Variants in REV3L observed in about 807,000 individuals in gnomAD.
REV3L encodes DNA polymerase zeta catalytic subunit.
Under a neutral mutation model 299.4 loss-of-function variants are expected in REV3L, and 69 were observed. That is an observed-to-expected ratio of 0.23 (90% CI 0.19 to 0.28). The LOEUF is 0.28. REV3L is among the 10% of genes least tolerant of loss of function. The pLI, the probability that REV3L is intolerant of heterozygous loss-of-function variation, is 1.00. For synonymous variants in REV3L, 1,238 were observed against 1,271.4 expected (o/e 0.97, Z 0.56); for missense variants, 3,128 against 3,693.8 (o/e 0.85, Z 3.97).
At chr6:111,379,718 T>C (rs1780638901) in intron 11 of REV3L, among the ~76,000 whole-genome samples, 1 of 152,182 alleles carries the variant, frequency 6.6e-6, no homozygotes, top group Non-Finnish European at 1.5e-5. Context: ...TTTGCTCCAT[T>C]TATCACTCAC....
Position 111,351,696 on chromosome 6 carries a change from C to T in REV3L, c.7280G>A (p.Arg2427Gln), listed in dbSNP as rs759217224. The T allele has an allele frequency of 2.9e-5, 47 of 1,612,672 alleles. No individual in the cohort carries two copies. The highest frequency in any genetic ancestry group is 3.4e-5 in the Non-Finnish European group (40 of 1,179,280). ...CATACCTGGCACCCGAGAGATCATC[C>T]GACATAAGTCAATACTTAAAGCGGC... is the stretch of plus-strand genomic sequence containing the variant. The part of the protein sequence containing the change: ...RAAALSIDLC[R>Q]MISRVPDDKI... The change falls in exon 19 of 32, where the codon CGG (arginine) becomes CAG (glutamine). Residue 2427 changes from arginine to glutamine, a missense_variant. Arg to Gln is a conservative substitution (Grantham distance 43, BLOSUM62 1). Coordinates refer to ENST00000368802, the MANE Select transcript of REV3L (RefSeq NM_001372078.1).
intron 24 of REV3L, among the ~76,000 whole-genome samples, chr6:111,331,396 G>T (rs1377436937): frequency 6.6e-6 from 1 of 152,046 alleles, no homozygotes; most frequent in East Asian, 1.9e-4. Context: ...TTCTAATAAA[G>T]GGCAGAAAGT....
At chr6:111,457,862 CCAAA>C (rs1006568796) in intron 1 of REV3L, among the ~76,000 whole-genome samples, 3 of 151,616 alleles carry the variant, frequency 2.0e-5, no homozygotes, top group Non-Finnish European at 4.4e-5. Flanking sequence ...TCAGAGAAGA[CCAAA>C]CAAACCAACA....
At chr6:111,435,914 T>G (rs774307374) in intron 1 of REV3L, among the ~76,000 whole-genome samples, 15 of 152,196 alleles carry the variant, frequency 9.9e-5, no homozygotes, top group South Asian at 4.1e-4. Context: ...TCATCTAACA[T>G]GGGATTAACA....
rs566689039 is a variant in REV3L at position 111,452,031 on chromosome 6, C to T, written c.139+30719G>A. Among the ~76,000 whole-genome samples, 6 of 151,928 alleles carry T rather than the reference C, an allele frequency of 3.9e-5. No individual in the cohort carries two copies. In the South Asian group the frequency reaches 1.2e-3, roughly 32 times the overall value. On this transcript the variant is annotated intron_variant, in intron 1 of 31. Coordinates refer to ENST00000368802, the MANE Select transcript of REV3L (RefSeq NM_001372078.1). ...CCTTTCAACTCAACAAGAAGAAAAA[C>T]AACTCAATTTTGTAAAAAAGATTTG... is the stretch of plus-strand genomic sequence containing the variant.
At chr6:111,471,974 C>T in intron 1 of REV3L, 1 of 1,108,734 alleles carries the variant, frequency 9.0e-7, no homozygotes, top group Non-Finnish European at 1.1e-6. Context: ...ACCCCCACCC[C>T]CCTCACCCCC....
chr6:111,481,284 T>C (rs1376758849), intron 1 of REV3L, among the ~76,000 whole-genome samples: 1 of 152,164 alleles, frequency 6.6e-6, no homozygotes, highest in Non-Finnish European at 1.5e-5. Flanking sequence ...TACACTGAAA[T>C]TCCAATTGGA....
intron 1 of REV3L, chr6:111,430,487 A>G: frequency 1.3e-6 from 2 of 1,549,170 alleles, no homozygotes; most frequent in Non-Finnish European, 8.9e-7. Flanking sequence ...ATAAAGCTGC[A>G]AAGAAGCGGT....
intron 1 of REV3L, among the ~76,000 whole-genome samples, chr6:111,437,451 TTAAAA>T (rs1216580679): frequency 2.6e-5 from 4 of 151,742 alleles, no homozygotes; most frequent in African/African-American, 9.7e-5. Context: ...ATATATAAAA[TTAAAA>T]TATTTCAATT....
In REV3L at chr6:111,376,529, C is replaced by A. The variant is rs1463845678; in HGVS notation, c.1826G>T (p.Gly609Val). ...AAAAGAAGTGACTGAGTTATCTAGA[C>A]CTTTTTCTGTATTTTTGTTTGTCTG... is the stretch of plus-strand genomic sequence containing the variant. ...LSQTNKNTEK[G>V]LDNSVTSFTN... is the part of the protein sequence containing the mutation. Residue 609 changes from glycine (G) to valine (V), a missense_variant, in exon 13 of 32, where the codon GGT (glycine) becomes GTT (valine). By Grantham distance (109) the Gly-to-Val change is moderately radical. Around this residue, in one of 9 missense-constraint regions of REV3L, gnomAD observed 2,409 missense variants for 2,611.8 expected, o/e 0.92. Coordinates refer to ENST00000368802, the MANE Select transcript of REV3L (RefSeq NM_001372078.1). 2.5e-6 allele frequency: 4 copies of A among 1,612,192 alleles called. No individual in the cohort carries two copies. The highest frequency in any genetic ancestry group is 2.7e-5 in the African/African-American group (2 of 74,750).
intron 27 of REV3L, among the ~76,000 whole-genome samples, chr6:111,314,160 T>C (rs1052051595): frequency 6.6e-6 from 1 of 152,208 alleles, no homozygotes; most frequent in African/African-American, 2.4e-5. Flanking sequence ...CTAAGTATCT[T>C]TTATACAGAA....
intron 1 of REV3L, among the ~76,000 whole-genome samples, chr6:111,470,244 T>C (rs1792027041): frequency 6.6e-6 from 1 of 152,016 alleles, no homozygotes; most frequent in Non-Finnish European, 1.5e-5. Context: ...ACGGTCACTG[T>C]CACATCTCAA....
At position 111,381,463 on chromosome 6, in the gene REV3L, A is replaced by G. The variant is rs779896218; in HGVS notation, c.1097-19T>C. The G allele has an allele frequency of 1.1e-5, 17 of 1,573,418 alleles. No individual in the cohort carries two copies. In the Admixed American group the frequency reaches 2.5e-4, roughly 23 times the overall value. On this transcript the variant is annotated intron_variant, in intron 9 of 31. Transcript: ENST00000368802. The stretch of plus-strand genomic sequence containing the variant: ...GTGTGACCTTAATTTGACAAAGAAT[A>G]AAAAAAATTGAAGCAATGGCCTAAA...
intron 23 of REV3L, among the ~76,000 whole-genome samples, chr6:111,332,270 C>A (rs1397503251): frequency 1.3e-5 from 2 of 151,990 alleles, no homozygotes; most frequent in Non-Finnish European, 1.5e-5. Flanking sequence ...ACAGGGTTTC[C>A]TCATGTTAGC....
At position 111,375,532 on chromosome 6, in the gene REV3L, T is replaced by G. The variant is rs1200774595; in HGVS notation, c.2823A>C (p.Ser941=). ...CCATGGGATGAGGTAGACTAATTTTTGAGTTGTGAGTTACAAAACTTGACT... is the reference window on the plus strand; with the variant it reads ...CCATGGGATGAGGTAGACTAATTTTGGAGTTGTGAGTTACAAAACTTGACT... ...DSESSFVTHN[S]KISLPHPMEI... The change falls in exon 13 of 32, where the codon TCA becomes TCC. Residue 941 remains serine (S), a synonymous_variant. Coordinates refer to ENST00000368802, the MANE Select transcript of REV3L (RefSeq NM_001372078.1). 6.2e-7 allele frequency: 1 copy of G among 1,613,334 alleles called. No individual in the cohort carries two copies. The highest frequency in any genetic ancestry group is 8.5e-7 in the Non-Finnish European group (1 of 1,179,806).
At chr6:111,347,565 A>G (rs1433600640) in intron 20 of REV3L, among the ~76,000 whole-genome samples, 1 of 152,232 alleles carries the variant, frequency 6.6e-6, no homozygotes, top group African/African-American at 2.4e-5. Context: ...CTAATGAGAA[A>G]GTAGTTTCAA....
At chr6:111,367,052 T>C (rs1228883454) in intron 14 of REV3L, 63 bp downstream of exon 14, 3 of 1,326,036 alleles carry the variant, frequency 2.3e-6, no homozygotes, top group Non-Finnish European at 2.1e-6. Flanking sequence ...TACAGTCTAA[T>C]GTTATCTTCA....
intron 25 of REV3L, among the ~76,000 whole-genome samples, chr6:111,328,872 C>T (rs183760782): frequency 2.0e-5 from 3 of 151,964 alleles, no homozygotes; most frequent in Non-Finnish European, 4.4e-5. Flanking sequence ...CTCTAGTGAT[C>T]CTCCCATCTC....
At chr6:111,366,562 C>T (rs1344521976) in intron 14 of REV3L, among the ~76,000 whole-genome samples, 1 of 152,080 alleles carries the variant, frequency 6.6e-6, no homozygotes, top group African/African-American at 2.4e-5. Context: ...AAGAAAATGG[C>T]TGCTTAGAGG....
Sources: allele counts gnomAD v4.1 joint callset (sites outside exome capture counted in the v4.1 genomes callset), GRCh38; gene constraint gnomAD v4.1.1; regional missense constraint gnomAD v4.1.1; transcripts MANE v1.5; gene names NCBI Gene and HGNC (gene_info 2026-07-23, HGNC 2026-07-21).